Variants in TMEM243 observed in about 807,000 individuals in gnomAD.
The protein encoded by TMEM243 is transmembrane protein 243.
TMEM243 carries 20 observed loss-of-function variants against 15.0 expected under a neutral mutation model. The ratio of observed to expected loss-of-function variants is 1.33; its 90% CI spans 0.94 to 1.93. The LOEUF (loss-of-function observed/expected upper bound fraction) is 1.93. Among genes scored for constraint, TMEM243 ranks in the 30% most tolerant of loss-of-function variants. The pLI is 0.00. For missense variants in TMEM243, 156 were observed against 142.1 expected, an observed-to-expected ratio of 1.10 and a Z score of -0.50; for synonymous variants, 72 against 52.7, an observed-to-expected ratio of 1.37 and a Z score of -1.59.
intron 1 of TMEM243, among the ~76,000 whole-genome samples, chr7:87,204,178 C>G (rs186717633): frequency 6.6e-6 from 1 of 152,158 alleles, no homozygotes; most frequent in Admixed American, 6.5e-5. Context: ...TTCACTACTA[C>G]GAGAACAGTA....
At chr7:87,198,925 T>C in intron 2 of TMEM243, 82 bp downstream of exon 2, 1 of 1,283,034 alleles carries the variant, frequency 7.8e-7, no homozygotes, top group Non-Finnish European at 1.1e-6. Context: ...TTATTTAGCT[T>C]TTTTTGGAAA....
intron 2 of TMEM243, 50 bp from the exon 3 acceptor site, chr7:87,198,095 G>C: frequency 2.0e-6 from 3 of 1,492,512 alleles, no homozygotes; most frequent in Non-Finnish European, 2.8e-6. Flanking sequence ...CCAAGACTTG[G>C]TAATTACCAA....
At position 87,196,499 on chromosome 7, in the gene TMEM243, A is replaced by C; in HGVS notation, c.*137T>G. 1 of 881,720 alleles carries C rather than the reference A, an allele frequency of 1.1e-6. No homozygotes were observed. Among genetic ancestry groups the C allele is most frequent in the Non-Finnish European group, 1.7e-6 (1 of 581,322 alleles). 54.6% of individuals were successfully genotyped at this position (881,720 alleles called of 1,614,324 possible). On this transcript the variant is annotated 3_prime_UTR_variant, in exon 4 of 4. Coordinates refer to ENST00000257637, the MANE Select transcript of TMEM243 (RefSeq NM_024315.4). ...GGATATGTCTCCCTTGCAAGAGGGA[A>C]TTAACATTTACAATTAACATGAAAA...
chr7:87,205,570 A>T (rs917268904), intron 1 of TMEM243, among the ~76,000 whole-genome samples: 1 of 152,156 alleles, frequency 6.6e-6, no homozygotes, highest in African/African-American at 2.4e-5. Flanking sequence ...AAGTTCCACA[A>T]ATCTCTAGGG....
intron 1 of TMEM243, among the ~76,000 whole-genome samples, chr7:87,199,883 A>G (rs1801654364): frequency 6.6e-6 from 1 of 152,194 alleles, no homozygotes; most frequent in Non-Finnish European, 1.5e-5. Flanking sequence ...AAAAAGGTAA[A>G]GTATGATAGT....
In TMEM243 at chr7:87,204,059, C is replaced by T. The variant is rs375109601; in HGVS notation, c.79-5002G>A. ...CACATAGCTGAGGTAGCCTCACAAT[C>T]ATGGCATACAGTGATAGGCACGTCT... On this transcript the variant is annotated intron_variant, in intron 1 of 3. Coordinates refer to ENST00000257637, the MANE Select transcript of TMEM243 (RefSeq NM_024315.4). Among the ~76,000 whole-genome samples, 9 of 152,326 alleles carry T rather than the reference C, an allele frequency of 5.9e-5. No homozygotes were observed. The East Asian group carries it at 1.5e-3, about 26-fold the overall frequency.
At chr7:87,200,448 A>G (rs1277212999) in intron 1 of TMEM243, among the ~76,000 whole-genome samples, 1 of 152,188 alleles carries the variant, frequency 6.6e-6, no homozygotes, top group African/African-American at 2.4e-5. Flanking sequence ...AATCCATGGG[A>G]GCCCCACTAT....
At position 87,219,392 on chromosome 7, in the gene TMEM243, C is replaced by G. The variant is rs1411855004; in HGVS notation, c.78+34G>C. ...CAGAGGGCAGGCAGCAGACACACCCCCCATCCCAGTCTGGAGTCACAATCC... is the reference window on the plus strand; with the variant it reads ...CAGAGGGCAGGCAGCAGACACACCCGCCATCCCAGTCTGGAGTCACAATCC... On this transcript the variant is annotated intron_variant, in intron 1 of 3. Coordinates refer to ENST00000257637, the MANE Select transcript of TMEM243 (RefSeq NM_024315.4). 8 of 1,606,216 alleles carry G rather than the reference C, an allele frequency of 5.0e-6. No homozygotes were observed. In the Admixed American group the frequency reaches 1.2e-4, roughly 23 times the overall value.
rs185645796 is a variant in TMEM243, at chr7:87,215,228, G to A, written c.78+4198C>T. 7.2e-5 allele frequency among the ~76,000 whole-genome samples: 11 copies of A among 152,216 alleles called. No homozygotes were observed. The East Asian group carries it at 2.1e-3, about 29-fold the overall frequency. On this transcript the variant is annotated intron_variant, in intron 1 of 3. Transcript: ENST00000257637. ...CACCCAGGCTGGAGTTCAGTGGTGC[G>A]AGCCTGCAGCTGGGACCACAGGTGG...
At chr7:87,203,805 T>C (rs73208547) in intron 1 of TMEM243, among the ~76,000 whole-genome samples, 1 of 151,988 alleles carries the variant, frequency 6.6e-6, no homozygotes, top group African/African-American at 2.4e-5. Context: ...CAAATCTAGG[T>C]ACACAGAAAA....
At chr7:87,203,953 T>G (rs534716769) in intron 1 of TMEM243, among the ~76,000 whole-genome samples, 1 of 152,224 alleles carries the variant, frequency 6.6e-6, no homozygotes, top group Non-Finnish European at 1.5e-5. Flanking sequence ...CTCATCTGTA[T>G]TAGTTTCCAC....
chr7:87,211,419 T>C (rs1459607291), intron 1 of TMEM243, among the ~76,000 whole-genome samples: 1 of 152,220 alleles, frequency 6.6e-6, no homozygotes, highest in Admixed American at 6.5e-5. Flanking sequence ...ATTGTTTACC[T>C]GGACTGAGTG....
intron 3 of TMEM243, among the ~76,000 whole-genome samples, chr7:87,196,993 C>G (rs954534266): frequency 1.1e-4 from 16 of 152,036 alleles, no homozygotes; most frequent in African/African-American, 3.6e-4. Flanking sequence ...TATATTCACA[C>G]CTGTATACTC....
chr7:87,197,688 A>ATT lies in TMEM243; in HGVS notation c.234+251_234+252dup, dbSNP rs71906317. On this transcript the variant is annotated intron_variant, in intron 3 of 3. Coordinates refer to ENST00000257637, the MANE Select transcript of TMEM243 (RefSeq NM_024315.4). ...TTTGGCCACCTACGTCTTTCCACTA[A>ATT]TTTTTTTTTTTTTTTTTTTTTTTTT... 1,014 of 981,922 alleles carry ATT rather than the reference A, an allele frequency of 1.0e-3. 23 individuals are homozygous for ATT. The highest frequency in any genetic ancestry group is 6.4e-3 in the Admixed American group (114 of 17,906). 60.8% of individuals were successfully genotyped at this position (981,922 alleles called of 1,614,324 possible). A position where few individuals can be genotyped will look rare whatever the true frequency, so the allele number is the denominator to read the frequency against.
chr7:87,214,524 G>C (rs1275064372), intron 1 of TMEM243, among the ~76,000 whole-genome samples: 2 of 152,134 alleles, frequency 1.3e-5, no homozygotes, highest in East Asian at 3.9e-4. Context: ...GTTAAGAATT[G>C]AGTAAGGCGT....
At chr7:87,206,849 C>A (rs1286052419) in intron 1 of TMEM243, among the ~76,000 whole-genome samples, 1 of 152,202 alleles carries the variant, frequency 6.6e-6, no homozygotes, top group Non-Finnish European at 1.5e-5. Flanking sequence ...ATGAAAGACT[C>A]AAAGCAGAAA....
At chr7:87,205,595 C>T (rs112997330) in intron 1 of TMEM243, among the ~76,000 whole-genome samples, 5,688 of 152,258 alleles carry the variant, frequency 0.037, 128 homozygotes, top group East Asian at 0.065. Flanking sequence ...GGCAAAGTGC[C>T]ACCAGTCTCT....
chr7:87,215,854 C>G (rs1477382691), intron 1 of TMEM243, among the ~76,000 whole-genome samples: 1 of 152,162 alleles, frequency 6.6e-6, no homozygotes, highest in African/African-American at 2.4e-5. Context: ...TCAATAATCC[C>G]TAGGACAGGC....
intron 1 of TMEM243, among the ~76,000 whole-genome samples, chr7:87,202,373 A>C (rs1168058800): frequency 6.6e-6 from 1 of 152,256 alleles, no homozygotes; most frequent in Non-Finnish European, 1.5e-5. Flanking sequence ...GTTACAAAAA[A>C]TCAATGGGAC....
Sources: allele counts gnomAD v4.1 joint callset (sites outside exome capture counted in the v4.1 genomes callset), GRCh38; gene constraint gnomAD v4.1.1; transcripts MANE v1.5; gene names NCBI Gene and HGNC (gene_info 2026-07-23, HGNC 2026-07-21).